The following MTREX variants were observed in gnomAD, a reference collection of about 807,000 sequenced individuals.
MTREX encodes the protein Mtr4 exosome RNA helicase.
In MTREX, 76 loss-of-function variants were observed where a neutral mutation model predicts 135.4. The ratio of observed to expected loss-of-function variants is 0.56; its 90% CI spans 0.47 to 0.68. The LOEUF (loss-of-function observed/expected upper bound fraction) is 0.68, where lower values mean the gene tolerates loss of function less well. Ranked by LOEUF, MTREX falls within the 30% of genes least tolerant of loss-of-function variation. MTREX has a pLI of 0.00. For missense variants in MTREX, 920 were observed against 1,262.1 expected (o/e 0.73, Z 4.11); for synonymous variants, 404 against 401.6 (o/e 1.01, Z -0.07).
At chr5:55,350,328 A>T (rs912177686) in intron 12 of MTREX, among the ~76,000 whole-genome samples, 1 of 152,192 alleles carries the variant, frequency 6.6e-6, no homozygotes, top group Admixed American at 6.5e-5. Flanking sequence ...CTGTGATAAC[A>T]TGTTTCTTGC....
At chr5:55,374,433 G>A (rs919036417) in intron 16 of MTREX, among the ~76,000 whole-genome samples, 3 of 151,726 alleles carry the variant, frequency 2.0e-5, no homozygotes, top group African/African-American at 7.3e-5. Context: ...GACCACAGGT[G>A]TGTACCATCA....
At chr5:55,398,097 A>G (rs575962894) in intron 20 of MTREX, among the ~76,000 whole-genome samples, 1 of 152,260 alleles carries the variant, frequency 6.6e-6, no homozygotes, top group Admixed American at 6.5e-5. Flanking sequence ...AATTAGTAGG[A>G]CTCAGTGGTA....
intron 10 of MTREX, 133 bp downstream of exon 10, chr5:55,345,329 ATATT>A (rs1345350132): frequency 6.1e-6 from 4 of 651,484 alleles, no homozygotes; most frequent in South Asian, 5.6e-5. Flanking sequence ...AATTGGATAA[ATATT>A]TATCTTTTTT....
At chr5:55,371,130 T>C (rs572646571) in intron 16 of MTREX, among the ~76,000 whole-genome samples, 61 of 152,174 alleles carry the variant, frequency 4.0e-4, no homozygotes, top group Non-Finnish European at 8.1e-4. Context: ...AGCTGTGCAG[T>C]TAAATGAGGG....
intron 23 of MTREX, among the ~76,000 whole-genome samples, chr5:55,413,317 CAG>C (rs542721222): frequency 1.1e-3 from 151 of 143,112 alleles, no homozygotes; most frequent in Non-Finnish European, 1.7e-3. Context: ...AGCTGGGCAA[CAG>C]AGCGAGACTC....
At chr5:55,397,149 C>G (rs230803) in intron 19 of MTREX, among the ~76,000 whole-genome samples, 130,852 of 152,184 alleles carry the variant, frequency 0.86, 56,644 homozygotes, top group South Asian at 0.92. Context: ...GTAAAGTGTG[C>G]ATTCTGTATT....
chr5:55,366,344 G>A (rs1277594579), intron 15 of MTREX, among the ~76,000 whole-genome samples: 1 of 152,076 alleles, frequency 6.6e-6, no homozygotes, highest in Non-Finnish European at 1.5e-5. Context: ...TAAAAAATTA[G>A]CCGGGGATGG....
chr5:55,366,992 A>G, intron 16 of MTREX, 117 bp downstream of exon 16: 2 of 714,678 alleles, frequency 2.8e-6, no homozygotes, highest in Admixed American at 2.6e-5. Context: ...GTTCATACGT[A>G]ATGGACTGCA....
intron 8 of MTREX, among the ~76,000 whole-genome samples, chr5:55,343,698 A>C (rs1412473124): frequency 1.3e-5 from 2 of 152,134 alleles, no homozygotes; most frequent in Non-Finnish European, 2.9e-5. Context: ...TGCCTTGGGA[A>C]CTCCAATTTT....
intron 16 of MTREX, among the ~76,000 whole-genome samples, chr5:55,376,092 T>G (rs894431216): frequency 2.0e-5 from 3 of 152,242 alleles, no homozygotes; most frequent in Non-Finnish European, 1.5e-5. Flanking sequence ...TCGTGGAGTT[T>G]AATCCATAAA....
chr5:55,308,716 T>C (rs1386895234), intron 1 of MTREX, among the ~76,000 whole-genome samples: 1 of 152,164 alleles, frequency 6.6e-6, no homozygotes. Flanking sequence ...ATCGTGAGTT[T>C]ATTGAGAAAA....
At chr5:55,424,663 G>A (rs1354681542) in intron 26 of MTREX, 57 bp from the exon 27 acceptor site, 2 of 1,297,022 alleles carry the variant, frequency 1.5e-6, no homozygotes, top group East Asian at 2.3e-5. Flanking sequence ...TTTCGGTAGA[G>A]GCAAGTTAGG....
In MTREX at chr5:55,358,575, T is replaced by C. The variant is rs1353104095; in HGVS notation, c.1536T>C (p.Ile512=). ...GAATTTTAACTATGTTCATTCAGAT[T>C]TCTTCTGGTGAATACATTCAGATGT... is the stretch of plus-strand genomic sequence containing the variant. ...RKFDGKDFRW[I]SSGEYIQMSG... Residue 512 remains isoleucine (I), a splice_region_variant and synonymous_variant, in exon 15 of 27, where the codon ATT becomes ATC. Transcript: ENST00000230640. 5.0e-6 allele frequency: 8 copies of C among 1,593,846 alleles called. No individual in the cohort carries two copies. The South Asian group carries it at 8.2e-5, about 16-fold the overall frequency.
chr5:55,367,394 G>A (rs1188161696), intron 16 of MTREX, among the ~76,000 whole-genome samples: 1 of 151,664 alleles, frequency 6.6e-6, no homozygotes, highest in African/African-American at 2.4e-5. Context: ...GCTGAGGCAG[G>A]AGAATCACTT....
intron 19 of MTREX, 66 bp downstream of exon 19, chr5:55,388,168 T>A: frequency 7.0e-7 from 1 of 1,425,976 alleles, no homozygotes; most frequent in Non-Finnish European, 9.5e-7. Flanking sequence ...TCACCAAAGT[T>A]CTCCAATGTG....
At chr5:55,373,362 T>A (rs1750238791) in intron 16 of MTREX, among the ~76,000 whole-genome samples, 1 of 151,878 alleles carries the variant, frequency 6.6e-6, no homozygotes, top group South Asian at 2.1e-4. Flanking sequence ...GTGAATTATG[T>A]CCATCTAATT....
intron 16 of MTREX, among the ~76,000 whole-genome samples, chr5:55,376,807 C>T (rs181114366): frequency 9.2e-5 from 14 of 152,190 alleles, no homozygotes; most frequent in African/African-American, 1.4e-4. Flanking sequence ...TGGTGGCTCA[C>T]GCCTGTAATT....
chr5:55,376,916 C>T (rs1309405701), intron 16 of MTREX, among the ~76,000 whole-genome samples: 1 of 151,620 alleles, frequency 6.6e-6, no homozygotes, highest in Non-Finnish European at 1.5e-5. Context: ...ACTAAAAATA[C>T]AAGAATTAGC....
intron 5 of MTREX, among the ~76,000 whole-genome samples, chr5:55,338,375 TAA>T (rs1749587172): frequency 6.6e-6 from 1 of 152,134 alleles, no homozygotes; most frequent in Non-Finnish European, 1.5e-5. Context: ...AAGTCAGCCT[TAA>T]TTATGTTGTT....
Sources: allele counts gnomAD v4.1 joint callset (sites outside exome capture counted in the v4.1 genomes callset), GRCh38; gene constraint gnomAD v4.1.1; transcripts MANE v1.5; gene names NCBI Gene and HGNC (gene_info 2026-07-23, HGNC 2026-07-21).